STK32B: variants seen among roughly 807,000 people sequenced by gnomAD.
STK32B encodes serine/threonine kinase 32B, also known as serine/threonine-protein kinase 32B.
Under a neutral mutation model 52.6 loss-of-function variants are expected in STK32B, and 43 were observed. The observed-to-expected ratio is 0.82, with a 90% CI of 0.64 to 1.05. The LOEUF is 1.05. STK32B is among the 50% of genes least tolerant of loss of function. The pLI, the probability that STK32B is intolerant of heterozygous loss-of-function variation, is 0.00. For synonymous variants in STK32B, 238 were observed against 204.3 expected (o/e 1.17, Z -1.41); for missense variants, 621 against 534.6 (o/e 1.16, Z -1.59).
intron 3 of STK32B, among the ~76,000 whole-genome samples, chr4:5,240,614 C>T (rs902027840): frequency 6.6e-6 from 1 of 152,092 alleles, no homozygotes; most frequent in African/African-American, 2.4e-5. Context: ...CATGTACCAC[C>T]GCACCCAGCT....
In STK32B at chr4:5,312,678, G is replaced by C. The variant is rs572262090; in HGVS notation, c.261-18542G>C. Among the ~76,000 whole-genome samples, 103 of 151,842 alleles carry C rather than the reference G, an allele frequency of 6.8e-4. 2 individuals carry two copies. The highest frequency in any genetic ancestry group is 3.4e-3 in the Middle Eastern group (1 of 294). On this transcript the variant is annotated intron_variant, in intron 3 of 11. Coordinates refer to ENST00000282908, the MANE Select transcript of STK32B (RefSeq NM_018401.3). ...ATATGTGCCACATTTTCTTAATCCA[G>C]TCTATCATTGTTGGACATTTGGGTT... is the stretch of plus-strand genomic sequence containing the variant.
intron 11 of STK32B, among the ~76,000 whole-genome samples, chr4:5,474,131 A>G (rs910155926): frequency 1.3e-5 from 2 of 152,136 alleles, no homozygotes; most frequent in Non-Finnish European, 2.9e-5. Context: ...AAGAAAAAAA[A>G]TTAATGTTGG....
intron 3 of STK32B, among the ~76,000 whole-genome samples, chr4:5,209,218 A>G (rs1047958841): frequency 2.0e-5 from 3 of 152,076 alleles, no homozygotes; most frequent in Non-Finnish European, 4.4e-5. Context: ...TAGAGTTTAC[A>G]TTTCTTTTTT....
chr4:5,061,300 T>C (rs529752725), intron 1 of STK32B, among the ~76,000 whole-genome samples: 56 of 152,304 alleles, frequency 3.7e-4, no homozygotes, highest in Non-Finnish European at 7.5e-4. Context: ...ATGTTATTCA[T>C]TGTGTTTTTA....
intron 11 of STK32B, among the ~76,000 whole-genome samples, chr4:5,473,088 A>G (rs533987025): frequency 7.8e-4 from 118 of 152,198 alleles, no homozygotes; most frequent in Non-Finnish European, 1.4e-3. Context: ...TAAAAGAAAT[A>G]TCATTGGTAT....
intron 2 of STK32B, among the ~76,000 whole-genome samples, chr4:5,159,578 T>TC (rs1364751052): frequency 9.0e-5 from 2 of 22,282 alleles, no homozygotes; most frequent in African/African-American, 8.7e-4. Flanking sequence ...TATATATGAA[T>TC]ATATATATGA....
At chr4:5,030,191 A>AAACCAAT in the STK32B span, among the ~76,000 whole-genome samples, 5 of 152,356 alleles carry the variant, frequency 3.3e-5, no homozygotes, top group Admixed American at 1.3e-4. Context: ...ACTCATTAGA[A>AAACCAAT]AACCAATACA....
rs994121991 is a variant in STK32B, at chr4:5,150,319, C to G, written c.108+10359C>G. 2.6e-5 allele frequency among the ~76,000 whole-genome samples: 4 copies of G among 152,096 alleles called. No homozygotes were observed. In the East Asian group the frequency reaches 7.7e-4, roughly 29 times the overall value. The stretch of plus-strand genomic sequence containing the variant: ...TAGTCATAGCAACTGCTTTATTGTC[C>G]TTATGCTAATTACAACATCTGGGTC... On this transcript the variant is annotated intron_variant, in intron 2 of 11. Transcript: ENST00000282908.
chr4:5,176,287 T>C (rs1251460432), intron 3 of STK32B, among the ~76,000 whole-genome samples: 2 of 152,126 alleles, frequency 1.3e-5, no homozygotes, highest in Admixed American at 6.5e-5. Flanking sequence ...GGTTCACGCA[T>C]GGTGTGCTGC....
intron 4 of STK32B, among the ~76,000 whole-genome samples, chr4:5,349,417 T>C (rs1270142551): frequency 1.3e-5 from 2 of 152,184 alleles, no homozygotes; most frequent in East Asian, 1.9e-4. Context: ...ACTACACTGC[T>C]GCACCCACCC....
intron 4 of STK32B, among the ~76,000 whole-genome samples, chr4:5,369,052 A>T (rs1489865489): frequency 2.0e-5 from 3 of 151,958 alleles, no homozygotes. Context: ...ATTAGCTGTG[A>T]TTGTGTGACT....
At chr4:5,220,225 C>T (rs1303615022) in intron 3 of STK32B, among the ~76,000 whole-genome samples, 3 of 152,188 alleles carry the variant, frequency 2.0e-5, no homozygotes, top group Non-Finnish European at 4.4e-5. Flanking sequence ...GCATTCACTC[C>T]GCTTTACCCA....
chr4:5,487,166 G>T (rs906274700), intron 11 of STK32B, among the ~76,000 whole-genome samples: 1 of 152,188 alleles, frequency 6.6e-6, no homozygotes, highest in Non-Finnish European at 1.5e-5. Flanking sequence ...TCTGTCCCAT[G>T]TTGCAGGGAA....
chr4:5,194,076 C>T (rs1721449612), intron 3 of STK32B, among the ~76,000 whole-genome samples: 1 of 152,232 alleles, frequency 6.6e-6, no homozygotes, highest in African/African-American at 2.4e-5. Flanking sequence ...GACTTGTCCA[C>T]TCATAGGCCT....
intron 3 of STK32B, among the ~76,000 whole-genome samples, chr4:5,322,030 A>AGGGGGGGGGG (rs1731534846): frequency 4.5e-5 from 1 of 22,314 alleles, no homozygotes; most frequent in Admixed American, 6.9e-4. Context: ...AAGTGGTGGG[A>AGGGGGGGGGG]GTGGGGGTGG....
the STK32B span, among the ~76,000 whole-genome samples, chr4:5,026,430 G>A: frequency 6.6e-6 from 1 of 152,202 alleles, no homozygotes; most frequent in Admixed American, 6.5e-5. Context: ...AATCACGGCA[G>A]AAGGCATCTC....
At chr4:5,348,627 C>T (rs1422680106) in intron 4 of STK32B, among the ~76,000 whole-genome samples, 1 of 152,174 alleles carries the variant, frequency 6.6e-6, no homozygotes, top group Non-Finnish European at 1.5e-5. Context: ...TGCCTGATTA[C>T]AGCTGCTGCC....
At chr4:5,216,786 A>G (rs978487119) in intron 3 of STK32B, among the ~76,000 whole-genome samples, 5 of 151,618 alleles carry the variant, frequency 3.3e-5, no homozygotes, top group African/African-American at 9.7e-5. Context: ...AGCCATTAAA[A>G]CCCCACCAGG....
rs558988282 is a variant in STK32B at position 5,159,487 on chromosome 4, CATATGAATATAT to C, written c.109-8787_109-8776del. 6.6e-4 allele frequency among the ~76,000 whole-genome samples: 90 copies of C among 137,370 alleles called. 1 individual carries two copies. In the South Asian group the frequency reaches 0.011, roughly 17 times the overall value. The allele number at this position is 137,370 out of a possible 152,430, so 90.1% of individuals were successfully genotyped here. A position where few individuals can be genotyped will look rare whatever the true frequency, so the allele number is the denominator to read the frequency against. ...ATACACACACACATATATATGAATA[CATATGAATATAT>C]ATATGAATATATATATGAATATATG... On this transcript the variant is annotated intron_variant, in intron 2 of 11. Transcript: ENST00000282908.
Sources: allele counts gnomAD v4.1 joint callset (sites outside exome capture counted in the v4.1 genomes callset), GRCh38; gene constraint gnomAD v4.1.1; transcripts MANE v1.5; gene names NCBI Gene and HGNC (gene_info 2026-07-23, HGNC 2026-07-21).